SLC8A1: variants seen among roughly 807,000 people sequenced by gnomAD.
SLC8A1 encodes solute carrier family 8 member A1, also known as sodium/calcium exchanger 1.
SLC8A1 carries 18 observed loss-of-function variants against 68.3 expected under a neutral mutation model. The observed-to-expected ratio is 0.26, with a 90% CI of 0.18 to 0.39. SLC8A1 has a LOEUF of 0.39. SLC8A1 is among the 10% of genes least tolerant of loss of function. SLC8A1 has a pLI of 1.00. For missense variants in SLC8A1, 985 were observed against 1,156.7 expected, an observed-to-expected ratio of 0.85 and a Z score of 2.15; for synonymous variants, 475 against 415.5, an observed-to-expected ratio of 1.14 and a Z score of -1.74.
In SLC8A1 at chr2:40,387,936, CAAA is replaced by C. The variant is rs57394425; in HGVS notation, c.1808+40534_1808+40536del. Among the ~76,000 whole-genome samples, 370 of 90,874 alleles carry C rather than the reference CAAA, an allele frequency of 4.1e-3. 2 individuals are homozygous for C. Among genetic ancestry groups the C allele is most frequent in the African/African-American group, 6.6e-3 (139 of 20,942 alleles). The allele number at this position is 90,874 out of a possible 152,430, so 59.6% of individuals were successfully genotyped here. A position where few individuals can be genotyped will look rare whatever the true frequency, so the allele number is the denominator to read the frequency against. On this transcript the variant is annotated intron_variant, in intron 2 of 7. Coordinates refer to ENST00000406785, the Ensembl canonical transcript of SLC8A1. Reference sequence around the variant, plus strand: ...TGGGCTACAGAAAGAGAGACTGCCTCAAAAAAAAAAAAAAAAAAAAAAAGAATT... The same window carrying C: ...TGGGCTACAGAAAGAGAGACTGCCTCAAAAAAAAAAAAAAAAAAAAGAATT...
chr2:40,150,556 T>C (rs998355590), intron 6 of SLC8A1, among the ~76,000 whole-genome samples: 2 of 152,150 alleles, frequency 1.3e-5, no homozygotes, highest in Non-Finnish European at 2.9e-5. Flanking sequence ...ACAAAAGAGC[T>C]CTTGGACCCA....
chr2:40,400,090 C>T (rs529592523), intron 2 of SLC8A1, among the ~76,000 whole-genome samples: 3 of 152,258 alleles, frequency 2.0e-5, no homozygotes, highest in African/African-American at 4.8e-5. Context: ...CAATCGATCA[C>T]GACCCTCTCG....
intron 2 of SLC8A1, among the ~76,000 whole-genome samples, chr2:40,361,575 C>T (rs1236011008): frequency 1.3e-5 from 2 of 151,738 alleles, no homozygotes; most frequent in Non-Finnish European, 1.5e-5. Context: ...CCCATCAAGA[C>T]AATCTGAAGT....
At chr2:40,273,425 G>T (rs929727440) in intron 2 of SLC8A1, among the ~76,000 whole-genome samples, 3 of 152,096 alleles carry the variant, frequency 2.0e-5, no homozygotes, top group African/African-American at 4.8e-5. Flanking sequence ...AATAAACTAA[G>T]AAGTCTAAGA....
At chr2:40,230,614 T>G (rs553175808) in intron 2 of SLC8A1, among the ~76,000 whole-genome samples, 1 of 152,198 alleles carries the variant, frequency 6.6e-6, no homozygotes. Flanking sequence ...AATGCTACTA[T>G]GTGATCAGTT....
chr2:40,099,308 C>G (rs951943623), exon 8 of SLC8A1: 14 of 151,868 alleles, frequency 9.2e-5, no homozygotes, highest in Admixed American at 6.6e-4. Flanking sequence ...TGTGTCTGTG[C>G]GTGCACTCGA....
chr2:40,215,640 T>A, intron 2 of SLC8A1, among the ~76,000 whole-genome samples: 1 of 68,022 alleles, frequency 1.5e-5, no homozygotes, highest in Non-Finnish European at 2.7e-5. Context: ...CGAGACTCCG[T>A]CTCAAAAAAA....
At chr2:40,491,554 T>C (rs1292787896) in intron 1 of SLC8A1, among the ~76,000 whole-genome samples, 8 of 152,148 alleles carry the variant, frequency 5.3e-5, no homozygotes, top group African/African-American at 1.9e-4. Context: ...GGCATCCCTG[T>C]CTTGTGCCAG....
At chr2:40,471,150 A>AAT (rs1703966363) in intron 1 of SLC8A1, among the ~76,000 whole-genome samples, 2 of 152,190 alleles carry the variant, frequency 1.3e-5, no homozygotes, top group Non-Finnish European at 2.9e-5. Flanking sequence ...AATGGAGACT[A>AAT]CATATGAAGC....
At chr2:40,373,159 C>T (rs2149517064) in intron 2 of SLC8A1, among the ~76,000 whole-genome samples, 1 of 96,962 alleles carries the variant, frequency 1.0e-5, no homozygotes, top group Middle Eastern at 4.9e-3. Flanking sequence ...AAAGGCTATT[C>T]TTACCAGGTT....
At chr2:40,166,258 C>T (rs1573452059) in intron 4 of SLC8A1, among the ~76,000 whole-genome samples, 1 of 152,156 alleles carries the variant, frequency 6.6e-6, no homozygotes. Flanking sequence ...TGAATGGTTC[C>T]TAGGCTAGCT....
At chr2:40,408,557 G>A (rs1691098051) in intron 2 of SLC8A1, among the ~76,000 whole-genome samples, 1 of 152,156 alleles carries the variant, frequency 6.6e-6, no homozygotes, top group South Asian at 2.1e-4. Flanking sequence ...TCTGGGTGAA[G>A]GGAGACAGCA....
At chr2:40,284,752 C>A (rs1401558074) in intron 2 of SLC8A1, among the ~76,000 whole-genome samples, 3 of 151,638 alleles carry the variant, frequency 2.0e-5, no homozygotes, top group Non-Finnish European at 4.4e-5. Flanking sequence ...AATCTCTTTT[C>A]CCATGAAGTT....
intron 2 of SLC8A1, among the ~76,000 whole-genome samples, chr2:40,424,105 A>G (rs1475958967): frequency 6.6e-6 from 1 of 151,970 alleles, no homozygotes; most frequent in African/African-American, 2.4e-5. Context: ...TAAAGCTTGA[A>G]TATGTTGGAG....
intron 2 of SLC8A1, among the ~76,000 whole-genome samples, chr2:40,395,364 C>A (rs965343644): frequency 6.6e-6 from 1 of 152,142 alleles, no homozygotes; most frequent in African/African-American, 2.4e-5. Context: ...TTCCTGTAAA[C>A]ATACCTATCT....
chr2:40,482,544 A>G (rs1200234327), intron 1 of SLC8A1, among the ~76,000 whole-genome samples: 2 of 152,068 alleles, frequency 1.3e-5, no homozygotes, highest in African/African-American at 4.8e-5. Context: ...ACCGATGACA[A>G]TTCATCCCTG....
At chr2:40,216,045 C>G (rs957163330) in intron 2 of SLC8A1, among the ~76,000 whole-genome samples, 53 of 135,158 alleles carry the variant, frequency 3.9e-4, no homozygotes, top group African/African-American at 1.4e-3. Context: ...AAAAATTTTA[C>G]TTTAAACTCT....
intron 1 of SLC8A1, among the ~76,000 whole-genome samples, chr2:40,476,489 T>C (rs948250358): frequency 2.6e-5 from 4 of 152,138 alleles, no homozygotes; most frequent in African/African-American, 9.7e-5. Flanking sequence ...TTTGGGGAAA[T>C]AGAATGACTG....
At chr2:40,265,294 C>T (rs1283247769) in intron 2 of SLC8A1, among the ~76,000 whole-genome samples, 3 of 152,088 alleles carry the variant, frequency 2.0e-5, no homozygotes, top group Admixed American at 2.0e-4. Flanking sequence ...AGATGAGAAA[C>T]TATTAAGATC....
Sources: allele counts gnomAD v4.1 joint callset (sites outside exome capture counted in the v4.1 genomes callset), GRCh38; gene constraint gnomAD v4.1.1; transcripts MANE v1.5; gene names NCBI Gene and HGNC (gene_info 2026-07-23, HGNC 2026-07-21).